TRIM2: variants seen among roughly 807,000 people sequenced by gnomAD.
TRIM2 encodes the protein tripartite motif-containing protein 2.
TRIM2 carries 20 observed loss-of-function variants against 75.2 expected under a neutral mutation model. That is an observed-to-expected ratio of 0.27 (90% confidence interval 0.19 to 0.39). The LOEUF (loss-of-function observed/expected upper bound fraction) is 0.39. TRIM2 is among the 10% of genes least tolerant of loss of function. The pLI, the probability that TRIM2 is intolerant of heterozygous loss-of-function variation, is 1.00. For missense variants in TRIM2, 660 were observed against 990.8 expected (o/e 0.67, Z 4.48); for synonymous variants, 373 against 388.3 (o/e 0.96, Z 0.46).
At position 153,266,694 on chromosome 4, in the gene TRIM2, C is replaced by A. The variant is rs368452313; in HGVS notation, c.31-3641C>A. ...AGAAATGGGGATTCACCATGTTGCC[C>A]AGGCTGATCTTGAACTGCTGGGCTC... On this transcript the variant is annotated intron_variant, in intron 1 of 11. Transcript: ENST00000338700. Among the ~76,000 whole-genome samples the A allele has an allele frequency of 4.0e-5, 6 of 150,126 alleles. No individual in the cohort carries two copies. In the South Asian group the frequency reaches 6.4e-4, roughly 16 times the overall value.
intron 1 of TRIM2, among the ~76,000 whole-genome samples, chr4:153,184,242 C>T (rs1471705132): frequency 1.3e-5 from 2 of 152,086 alleles, no homozygotes; most frequent in Non-Finnish European, 2.9e-5. Context: ...AGTCGAAGGT[C>T]AGGGTGTCAG....
At chr4:153,164,822 G>A (rs546431374) in intron 1 of TRIM2, among the ~76,000 whole-genome samples, 4 of 151,936 alleles carry the variant, frequency 2.6e-5, no homozygotes, top group South Asian at 2.1e-4. Context: ...TCTTGATTAC[G>A]TCTGTATTTA....
chr4:153,237,010 A>G (rs1332774860), intron 1 of TRIM2, among the ~76,000 whole-genome samples: 1 of 152,202 alleles, frequency 6.6e-6, no homozygotes, highest in Admixed American at 6.5e-5. Context: ...TTATGTCTTA[A>G]ACATCTTTGT....
chr4:153,334,628 C>G (rs1378191940), intron 11 of TRIM2, among the ~76,000 whole-genome samples, 186 bp from the exon 12 acceptor site: 3 of 151,866 alleles, frequency 2.0e-5, no homozygotes, highest in Non-Finnish European at 4.4e-5. Context: ...ATCGCTTGAG[C>G]CTACGAATTA....
At chr4:153,160,327 A>G (rs1729623670) in intron 1 of TRIM2, among the ~76,000 whole-genome samples, 2 of 152,198 alleles carry the variant, frequency 1.3e-5, no homozygotes. Context: ...CAAAGCTTCA[A>G]GGTTCTAGAA....
At chr4:153,244,153 G>GTTC (rs751441750) in intron 1 of TRIM2, among the ~76,000 whole-genome samples, 7,838 of 111,224 alleles carry the variant, frequency 0.07, 315 homozygotes, top group Non-Finnish European at 0.081. Flanking sequence ...TGTTCTTCTT[G>GTTC]TTCTTCTTCT....
At chr4:153,196,302 T>G (rs1733774707) in intron 1 of TRIM2, among the ~76,000 whole-genome samples, 1 of 149,690 alleles carries the variant, frequency 6.7e-6, no homozygotes, top group South Asian at 2.1e-4. Flanking sequence ...CTGGGTGCAG[T>G]GGTGCATGCC....
intron 6 of TRIM2, among the ~76,000 whole-genome samples, chr4:153,300,786 G>A (rs1480350260): frequency 6.6e-6 from 1 of 151,858 alleles, no homozygotes; most frequent in Non-Finnish European, 1.5e-5. Context: ...GCCTCCCAAA[G>A]TGCTGAGATT....
intron 1 of TRIM2, among the ~76,000 whole-genome samples, chr4:153,266,176 T>A (rs1014397254): frequency 3.3e-5 from 5 of 152,244 alleles, no homozygotes; most frequent in Non-Finnish European, 7.4e-5. Context: ...ATTTTATTAT[T>A]TTATTTTGAG....
intron 1 of TRIM2, among the ~76,000 whole-genome samples, chr4:153,265,351 AT>A (rs983647307): frequency 3.2e-4 from 45 of 141,082 alleles, no homozygotes; most frequent in Admixed American, 5.0e-4. Context: ...TTTTTTTGTT[AT>A]TTTTTTTTTT....
chr4:153,167,524 A>G (rs549496779), intron 1 of TRIM2, among the ~76,000 whole-genome samples: 1 of 152,334 alleles, frequency 6.6e-6, no homozygotes, highest in South Asian at 2.1e-4. Flanking sequence ...ATGGCAAAGA[A>G]ACAATGTTTA....
At position 153,316,002 on chromosome 4, in the gene TRIM2, A is replaced by G; in HGVS notation, c.1782+3A>G. 1.3e-6 allele frequency: 2 copies of G among 1,560,884 alleles called. No homozygotes were observed. The highest frequency in any genetic ancestry group is 1.7e-6 in the Non-Finnish European group (2 of 1,156,230). On this transcript the variant is annotated splice_donor_region_variant and intron_variant, in intron 8 of 11. Coordinates refer to ENST00000338700, the MANE Select transcript of TRIM2 (RefSeq NM_015271.5). ...TCTCCTCCGATGGGAAATTTAAGGT[A>G]AGATTAACTACTAATTGTTCACTAA...
chr4:153,298,651 G>C (rs2150157232), intron 6 of TRIM2, among the ~76,000 whole-genome samples: 1 of 152,180 alleles, frequency 6.6e-6, no homozygotes, highest in South Asian at 2.1e-4. Context: ...GCTAACATAT[G>C]CATTACCTCA....
At chr4:153,263,584 G>C (rs1283405138) in intron 1 of TRIM2, among the ~76,000 whole-genome samples, 2 of 152,200 alleles carry the variant, frequency 1.3e-5, no homozygotes, top group African/African-American at 4.8e-5. Context: ...ATGCAAATCT[G>C]TGCCCTTGTA....
rs1772754985 is a variant in TRIM2 at position 153,338,798 on chromosome 4, C to T, written c.*3832C>T. 1 of 985,738 alleles carries T rather than the reference C, an allele frequency of 1.0e-6. No homozygotes were observed. The highest frequency in any genetic ancestry group is 1.7e-5 in the African/African-American group (1 of 57,332). The allele number at this position is 985,738 out of a possible 1,614,324, so 61.1% of individuals were successfully genotyped here. On this transcript the variant is annotated 3_prime_UTR_variant, in exon 12 of 12. Transcript: ENST00000338700. The stretch of plus-strand genomic sequence containing the variant: ...TTGTTCCAATGAATGTACAGCACTT[C>T]CATTAACTTTTGAAAGCAACACAGC...
intron 1 of TRIM2, among the ~76,000 whole-genome samples, chr4:153,269,969 C>T (rs1044457072): frequency 6.6e-6 from 1 of 152,030 alleles, no homozygotes; most frequent in Non-Finnish European, 1.5e-5. Flanking sequence ...ACTGCACTCA[C>T]CCAGGCTGGA....
intron 1 of TRIM2, among the ~76,000 whole-genome samples, chr4:153,224,255 TC>T (rs1219390312): frequency 1.3e-5 from 2 of 152,214 alleles, no homozygotes; most frequent in African/African-American, 4.8e-5. Flanking sequence ...ACATTGCATT[TC>T]CTTCCCTTTC....
At chr4:153,275,578 A>T (rs1049900644) in intron 2 of TRIM2, among the ~76,000 whole-genome samples, 7 of 152,198 alleles carry the variant, frequency 4.6e-5, no homozygotes, top group Non-Finnish European at 1.0e-4. Flanking sequence ...AGGGTCTAAG[A>T]TTCTGCATTT....
At chr4:153,280,749 A>G (rs1467876967) in intron 3 of TRIM2, among the ~76,000 whole-genome samples, 1 of 151,726 alleles carries the variant, frequency 6.6e-6, no homozygotes, top group East Asian at 1.9e-4. Context: ...CAGCGGCACG[A>G]TCTTGGCTGA....
Sources: allele counts gnomAD v4.1 joint callset (sites outside exome capture counted in the v4.1 genomes callset), GRCh38; gene constraint gnomAD v4.1.1; transcripts MANE v1.5; gene names NCBI Gene and HGNC (gene_info 2026-07-23, HGNC 2026-07-21).